MAPK10: variants seen among roughly 807,000 people sequenced by gnomAD.
The protein encoded by MAPK10 is mitogen-activated protein kinase 10.
In MAPK10, 25 loss-of-function variants were observed where a neutral mutation model predicts 59.3. That is an observed-to-expected ratio of 0.42 (90% CI 0.31 to 0.59). MAPK10 has a LOEUF of 0.59. Ranked by LOEUF, MAPK10 falls within the 20% of genes least tolerant of loss-of-function variation. MAPK10 has a pLI of 0.15. For missense variants in MAPK10, 351 were observed against 568.9 expected (o/e 0.62, Z 3.90); for synonymous variants, 190 against 200.5 (o/e 0.95, Z 0.44).
intron 1 of MAPK10, among the ~76,000 whole-genome samples, chr4:86,411,419 A>G (rs1308642848): frequency 6.6e-6 from 1 of 151,510 alleles, no homozygotes; most frequent in Non-Finnish European, 1.5e-5. Flanking sequence ...CTATTAAGTC[A>G]GCTTGGTCCA....
intron 2 of MAPK10, among the ~76,000 whole-genome samples, chr4:86,241,580 CCTCAAACT>C (rs1426783172): frequency 6.6e-6 from 1 of 152,046 alleles, no homozygotes; most frequent in African/African-American, 2.4e-5. Context: ...GTAAGGTGGT[CCTCAAACT>C]CTGATATCCT....
At chr4:86,541,642 A>G (rs1758702899) in intron 1 of MAPK10, among the ~76,000 whole-genome samples, 1 of 152,184 alleles carries the variant, frequency 6.6e-6, no homozygotes, top group South Asian at 2.1e-4. Flanking sequence ...CTCTGTACTC[A>G]TCCAAGATAT....
chr4:86,432,099 G>A (rs957456512), intron 1 of MAPK10, among the ~76,000 whole-genome samples: 1 of 152,280 alleles, frequency 6.6e-6, no homozygotes, highest in South Asian at 2.1e-4. Flanking sequence ...AGCCCCTAGA[G>A]AAGAAAGCCT....
At chr4:86,128,367 T>C (rs995411091) in intron 4 of MAPK10, among the ~76,000 whole-genome samples, 2 of 152,076 alleles carry the variant, frequency 1.3e-5, no homozygotes, top group Admixed American at 1.3e-4. Flanking sequence ...AGGGACCAGA[T>C]GGAGGTAATT....
chr4:86,048,923 A>T (rs994778512), intron 11 of MAPK10, among the ~76,000 whole-genome samples: 2 of 152,068 alleles, frequency 1.3e-5, no homozygotes, highest in Non-Finnish European at 2.9e-5. Flanking sequence ...AAAGTTTAGA[A>T]TGTGACATAA....
At chr4:86,264,074 T>TTTTCTTGTTACTG (rs1261607404) in intron 2 of MAPK10, among the ~76,000 whole-genome samples, 1 of 152,218 alleles carries the variant, frequency 6.6e-6, no homozygotes, top group African/African-American at 2.4e-5. Context: ...ACTGCGAATA[T>TTTTCTTGTTACTG]AAAGAGCAGA....
intron 1 of MAPK10, among the ~76,000 whole-genome samples, chr4:86,501,148 T>C (rs1755294320): frequency 6.7e-6 from 1 of 149,830 alleles, no homozygotes; most frequent in Non-Finnish European, 1.5e-5. Flanking sequence ...AAACTTTTAA[T>C]TGATTCTTTT....
intron 2 of MAPK10, among the ~76,000 whole-genome samples, chr4:86,344,005 A>C (rs907465658): frequency 6.6e-6 from 1 of 152,264 alleles, no homozygotes; most frequent in Admixed American, 6.5e-5. Context: ...CAGTGGCTAC[A>C]ACAAAAATTC....
chr4:86,320,758 T>C (rs1354063542), intron 2 of MAPK10, among the ~76,000 whole-genome samples: 2 of 152,216 alleles, frequency 1.3e-5, no homozygotes, highest in Non-Finnish European at 2.9e-5. Context: ...TGGTAATGCC[T>C]AGGTGTTCTT....
In MAPK10 at chr4:86,314,751, G is replaced by A. The variant is rs555970249; in HGVS notation, c.-7+39779C>T. Among the ~76,000 whole-genome samples the A allele has an allele frequency of 4.6e-5, 7 of 152,182 alleles. No individual in the cohort carries two copies. In the East Asian group the frequency reaches 1.4e-3, roughly 29 times the overall value. On this transcript the variant is annotated intron_variant, in intron 2 of 13. Transcript: ENST00000641462. The stretch of plus-strand genomic sequence containing the variant: ...AGAATACATGCAAGGAAAATACTTA[G>A]ATATACAACATAAAAAGTTACAAAT...
At chr4:86,231,616 T>C (rs886706676) in intron 2 of MAPK10, among the ~76,000 whole-genome samples, 2 of 152,024 alleles carry the variant, frequency 1.3e-5, no homozygotes, top group African/African-American at 2.4e-5. Flanking sequence ...TGAGCTGAGA[T>C]TGCGCCACTG....
chr4:86,156,769 A>G (rs1012720433), intron 4 of MAPK10, among the ~76,000 whole-genome samples: 4 of 152,014 alleles, frequency 2.6e-5, no homozygotes, highest in African/African-American at 9.7e-5. Flanking sequence ...CAGAAAAAAC[A>G]CTAATGAGAC....
intron 1 of MAPK10, among the ~76,000 whole-genome samples, chr4:86,528,473 T>G (rs1176752731): frequency 6.6e-6 from 1 of 152,222 alleles, no homozygotes; most frequent in Admixed American, 6.5e-5. Flanking sequence ...TTTAAACCTT[T>G]AAATAAAATA....
chr4:86,522,279 T>A lies in MAPK10; in HGVS notation c.-263+71631A>T, dbSNP rs138265749. On this transcript the variant is annotated intron_variant, in intron 1 of 4. Transcript: ENST00000502302. ...GAAAGTAGGTGTCAAGAATGATGGG[T>A]TTGTACTTCCCAGAAAGCCCAGACA... Among the ~76,000 whole-genome samples the A allele has an allele frequency of 2.6e-4, 40 of 152,274 alleles. No homozygotes were observed. In the East Asian group the frequency reaches 6.8e-3, roughly 26 times the overall value.
intron 2 of MAPK10, among the ~76,000 whole-genome samples, chr4:86,328,109 G>A (rs896313453): frequency 6.6e-6 from 1 of 152,110 alleles, no homozygotes; most frequent in Non-Finnish European, 1.5e-5. Context: ...TCCTCATGAA[G>A]GAGATTAAAG....
intron 2 of MAPK10, among the ~76,000 whole-genome samples, chr4:86,276,231 C>T (rs572377987): frequency 2.6e-5 from 4 of 152,042 alleles, no homozygotes; most frequent in Non-Finnish European, 5.9e-5. Context: ...AAGATTATCA[C>T]ACAATGTGTC....
chr4:86,165,121 T>C (rs998954115), intron 3 of MAPK10, among the ~76,000 whole-genome samples: 4 of 152,192 alleles, frequency 2.6e-5, no homozygotes, highest in African/African-American at 9.7e-5. Flanking sequence ...AGCCAGTCAA[T>C]CTGCTGGATA....
intron 2 of MAPK10, among the ~76,000 whole-genome samples, chr4:86,293,772 C>T (rs547600399): frequency 3.3e-5 from 5 of 152,120 alleles, no homozygotes; most frequent in Non-Finnish European, 4.4e-5. Flanking sequence ...AGGTGCCACA[C>T]GCTTTTAAAT....
At chr4:86,346,839 T>A (rs1728544062) in intron 2 of MAPK10, among the ~76,000 whole-genome samples, 1 of 152,090 alleles carries the variant, frequency 6.6e-6, no homozygotes, top group Non-Finnish European at 1.5e-5. Context: ...TTTTGCTAAA[T>A]ATATTTTATT....
Sources: allele counts gnomAD v4.1 joint callset (sites outside exome capture counted in the v4.1 genomes callset), GRCh38; gene constraint gnomAD v4.1.1; transcripts MANE v1.5; gene names NCBI Gene and HGNC (gene_info 2026-07-23, HGNC 2026-07-21).